The following PVT1 variants were observed in gnomAD, a reference collection of about 807,000 sequenced individuals.
PVT1 encodes the protein Pvt1 oncogene, also known as CXCR4/PVT1 fusion.
chr8:127,796,456 C>A (rs549873840), intron 2 of PVT1, among the ~76,000 whole-genome samples: 1 of 152,252 alleles, frequency 6.6e-6, no homozygotes, highest in South Asian at 2.1e-4. Context: ...CACATCAAAT[C>A]AATTCCCTGT....
chr8:128,058,948 T>C (rs57819814), intron 4 of PVT1, among the ~76,000 whole-genome samples: 7,130 of 152,268 alleles, frequency 0.047, 264 homozygotes, highest in African/African-American at 0.1. Flanking sequence ...GAGGGTCTCC[T>C]TCACTGCTTA....
intron 3 of PVT1, among the ~76,000 whole-genome samples, chr8:127,912,671 T>C (rs1815913453): frequency 3.3e-5 from 5 of 152,062 alleles, no homozygotes; most frequent in Admixed American, 2.6e-4. Flanking sequence ...TGACCCCAAA[T>C]ACTGGGTCAT....
intron 3 of PVT1, among the ~76,000 whole-genome samples, chr8:127,988,474 G>C (rs1262112181): frequency 6.6e-6 from 1 of 152,212 alleles, no homozygotes; most frequent in Admixed American, 6.5e-5. Flanking sequence ...GCTGCTTTAG[G>C]ATAGCCTAGA....
At chr8:127,982,219 C>T (rs548382776) in intron 3 of PVT1, among the ~76,000 whole-genome samples, 1 of 152,322 alleles carries the variant, frequency 6.6e-6, no homozygotes, top group South Asian at 2.1e-4. Context: ...GTTAGGATTA[C>T]TTGAGGCTGG....
intron 2 of PVT1, among the ~76,000 whole-genome samples, chr8:127,874,999 G>A (rs1351409302): frequency 3.3e-5 from 5 of 152,046 alleles, no homozygotes; most frequent in African/African-American, 4.8e-5. Flanking sequence ...TTCACCATGC[G>A]TGCTTCTTTG....
chr8:127,959,022 C>A (rs1045620322), intron 3 of PVT1, among the ~76,000 whole-genome samples: 33 of 128,998 alleles, frequency 2.6e-4, no homozygotes, highest in African/African-American at 9.3e-4. Context: ...TGCTGCTGTT[C>A]TGTGCTGCCC....
intron 3 of PVT1, among the ~76,000 whole-genome samples, chr8:127,891,835 A>G (rs1463445822): frequency 2.6e-5 from 4 of 152,212 alleles, no homozygotes; most frequent in Non-Finnish European, 2.9e-5. Flanking sequence ...GTGACAAGTC[A>G]GTGGCAGATG....
chr8:127,954,636 A>G (rs1219774587), intron 3 of PVT1, among the ~76,000 whole-genome samples: 3 of 152,204 alleles, frequency 2.0e-5, no homozygotes, highest in Non-Finnish European at 4.4e-5. Context: ...CAGCGCCCCC[A>G]GTGCCTCTCC....
intron 2 of PVT1, among the ~76,000 whole-genome samples, chr8:127,863,774 C>T (rs181194021): frequency 2.0e-4 from 30 of 152,288 alleles, no homozygotes; most frequent in African/African-American, 5.3e-4. Context: ...TTGCTTGAGG[C>T]CCCTCAGCTT....
intron 6 of PVT1, among the ~76,000 whole-genome samples, chr8:128,100,314 G>T (rs771697430): frequency 7.2e-5 from 11 of 152,186 alleles, no homozygotes; most frequent in Admixed American, 7.2e-4. Flanking sequence ...CTGCACAAGA[G>T]AAACCAGGTC....
intron 2 of PVT1, among the ~76,000 whole-genome samples, chr8:127,799,232 C>G (rs2130186778): frequency 6.6e-6 from 1 of 151,836 alleles, no homozygotes; most frequent in East Asian, 1.9e-4. Context: ...CCAACACAGC[C>G]CTGGTACTTT....
chr8:127,821,028 C>T (rs1214192946), intron 2 of PVT1, among the ~76,000 whole-genome samples: 1 of 152,086 alleles, frequency 6.6e-6, no homozygotes. Flanking sequence ...GTTTCTGATA[C>T]TTGCAACTGG....
intron 2 of PVT1, among the ~76,000 whole-genome samples, chr8:127,870,227 G>C (rs540865015): frequency 1.3e-4 from 20 of 152,338 alleles, no homozygotes; most frequent in Middle Eastern, 3.4e-3. Flanking sequence ...AGGATTTGTA[G>C]AGATACAGGG....
intron 3 of PVT1, among the ~76,000 whole-genome samples, chr8:127,969,046 G>A (rs967701820): frequency 1.3e-5 from 2 of 152,092 alleles, no homozygotes; most frequent in East Asian, 3.9e-4. Flanking sequence ...CCTATTTTGC[G>A]ACCATTTGTA....
At chr8:127,965,919 C>G (rs1343805321) in intron 3 of PVT1, among the ~76,000 whole-genome samples, 1 of 152,100 alleles carries the variant, frequency 6.6e-6, no homozygotes, top group Non-Finnish European at 1.5e-5. Flanking sequence ...ACAGGATTTA[C>G]CTTTTGGAAA....
At chr8:127,916,626 A>G (rs529779945) in intron 3 of PVT1, among the ~76,000 whole-genome samples, 9 of 152,276 alleles carry the variant, frequency 5.9e-5, no homozygotes, top group Admixed American at 1.3e-4. Context: ...CTCTCATAGT[A>G]GGAATTATTC....
intron 4 of PVT1, among the ~76,000 whole-genome samples, chr8:128,043,906 A>G (rs1813578094): frequency 6.7e-6 from 1 of 149,136 alleles, no homozygotes; most frequent in African/African-American, 2.5e-5. Context: ...CAATCACGGC[A>G]GCCTTGACCT....
chr8:128,028,752 G>C (rs1296059297), intron 4 of PVT1, among the ~76,000 whole-genome samples: 1 of 152,176 alleles, frequency 6.6e-6, no homozygotes, highest in Non-Finnish European at 1.5e-5. Context: ...AATATGTGGG[G>C]GATCATCATT....
intron 3 of PVT1, among the ~76,000 whole-genome samples, chr8:127,937,441 G>T (rs2129900463): frequency 6.6e-6 from 1 of 151,792 alleles, no homozygotes; most frequent in Non-Finnish European, 1.5e-5. Context: ...TAGAGACAGG[G>T]TTTTGCCATG....
Sources: gnomAD v4.1 joint callset for allele counts (sites outside exome capture counted in the v4.1 genomes callset) on GRCh38, gnomAD v4.1.1 for gene constraint, MANE v1.5 for transcripts, NCBI Gene and HGNC (gene_info 2026-07-23, HGNC 2026-07-21) for gene names.